Variants in MGAT4C observed in about 807,000 individuals in gnomAD.
The protein encoded by MGAT4C is alpha-1,3-mannosyl-glycoprotein 4-beta-N-acetylglucosaminyltransferase C.
MGAT4C carries 19 observed loss-of-function variants against 40.1 expected under a neutral mutation model. The ratio of observed to expected loss-of-function variants is 0.47; its 90% CI spans 0.33 to 0.70. The LOEUF (loss-of-function observed/expected upper bound fraction) is 0.70, where lower values mean the gene tolerates loss of function less well. MGAT4C is among the 30% of genes least tolerant of loss of function. MGAT4C has a pLI of 0.02. For missense variants in MGAT4C, 491 were observed against 563.2 expected (o/e 0.87, Z 1.30); for synonymous variants, 181 against 187.1 (o/e 0.97, Z 0.27).
At chr12:86,799,466 A>C (rs1952186667) in intron 1 of MGAT4C, among the ~76,000 whole-genome samples, 1 of 151,840 alleles carries the variant, frequency 6.6e-6, no homozygotes, top group African/African-American at 2.4e-5. Flanking sequence ...TTTTAGTTAC[A>C]AATACTTTCT....
At chr12:86,825,428 T>C (rs1285970026) in intron 1 of MGAT4C, among the ~76,000 whole-genome samples, 7 of 151,086 alleles carry the variant, frequency 4.6e-5, no homozygotes, top group African/African-American at 1.7e-4. Context: ...AATTTAAACA[T>C]AAAGAAGCAG....
intron 2 of MGAT4C, among the ~76,000 whole-genome samples, chr12:86,016,958 T>C (rs1006556011): frequency 2.8e-5 from 4 of 141,924 alleles, no homozygotes; most frequent in African/African-American, 1.0e-4. Flanking sequence ...GTATTACTGA[T>C]GCCTCTGAAG....
intron 2 of MGAT4C, among the ~76,000 whole-genome samples, chr12:86,524,470 C>G (rs1315096941): frequency 6.6e-6 from 1 of 152,158 alleles, no homozygotes; most frequent in Non-Finnish European, 1.5e-5. Flanking sequence ...TCTAGGTGGC[C>G]TGACCTTTCT....
chr12:86,311,337 T>C (rs1954066972), intron 4 of MGAT4C, among the ~76,000 whole-genome samples: 1 of 152,192 alleles, frequency 6.6e-6, no homozygotes, highest in Non-Finnish European at 1.5e-5. Flanking sequence ...GCATCTGACA[T>C]AGAAAAGGTA....
intron 2 of MGAT4C, among the ~76,000 whole-genome samples, chr12:86,593,671 G>A (rs1232502837): frequency 2.0e-5 from 3 of 152,030 alleles, no homozygotes; most frequent in Non-Finnish European, 4.4e-5. Context: ...ATACTTGTAA[G>A]TTTCCTATAT....
intron 4 of MGAT4C, among the ~76,000 whole-genome samples, chr12:86,301,852 G>A (rs1953820313): frequency 6.6e-6 from 1 of 152,190 alleles, no homozygotes; most frequent in Admixed American, 6.5e-5. Context: ...CAGACAAAAT[G>A]TACAATCAAG....
At chr12:86,246,600 T>C (rs546301168) in intron 1 of MGAT4C, among the ~76,000 whole-genome samples, 2 of 152,346 alleles carry the variant, frequency 1.3e-5, no homozygotes, top group African/African-American at 2.4e-5. Context: ...ATATGTTCTA[T>C]AAACACTTTA....
intron 1 of MGAT4C, among the ~76,000 whole-genome samples, chr12:86,135,053 G>T (rs987066609): frequency 6.6e-6 from 1 of 152,102 alleles, no homozygotes; most frequent in Non-Finnish European, 1.5e-5. Context: ...AGCGTCTTAT[G>T]AAATGCCATT....
At chr12:86,798,540 G>C (rs577998058) in intron 1 of MGAT4C, among the ~76,000 whole-genome samples, 8 of 151,946 alleles carry the variant, frequency 5.3e-5, no homozygotes, top group African/African-American at 9.6e-5. Flanking sequence ...GATTATAAGA[G>C]AGTCTTCTGT....
chr12:86,573,698 T>C (rs1185816424), intron 2 of MGAT4C, among the ~76,000 whole-genome samples: 1 of 151,968 alleles, frequency 6.6e-6, no homozygotes, highest in Non-Finnish European at 1.5e-5. Context: ...GTAGAAGCAA[T>C]ATCTGTTTTA....
chr12:86,568,545 C>CATATATATATATATATATAT (rs1232291041), intron 2 of MGAT4C, among the ~76,000 whole-genome samples: 1 of 138,728 alleles, frequency 7.2e-6, no homozygotes. Flanking sequence ...AACTCCCCTT[C>CATATATATATATATATATAT]ATATATATAT....
chr12:86,754,718 C>A (rs1192985303), intron 1 of MGAT4C, among the ~76,000 whole-genome samples: 1 of 151,894 alleles, frequency 6.6e-6, no homozygotes, highest in Admixed American at 6.6e-5. Context: ...TATATATTCC[C>A]AATATATCCA....
intron 2 of MGAT4C, among the ~76,000 whole-genome samples, chr12:86,629,337 A>G (rs929098200): frequency 1.3e-5 from 2 of 152,204 alleles, no homozygotes; most frequent in African/African-American, 4.8e-5. Flanking sequence ...AATATCAGAC[A>G]GATCAATGAG....
intron 2 of MGAT4C, among the ~76,000 whole-genome samples, chr12:86,022,945 A>G (rs994273523): frequency 6.6e-6 from 1 of 152,170 alleles, no homozygotes; most frequent in Non-Finnish European, 1.5e-5. Context: ...AAGAGTAGGA[A>G]AGACCCGAGG....
At chr12:86,193,694 T>C (rs1477197824) in intron 1 of MGAT4C, among the ~76,000 whole-genome samples, 2 of 152,180 alleles carry the variant, frequency 1.3e-5, no homozygotes, top group Non-Finnish European at 2.9e-5. Flanking sequence ...TATTATCTTC[T>C]AGTTTCCATT....
intron 2 of MGAT4C, among the ~76,000 whole-genome samples, chr12:86,693,186 T>A (rs1950199640): frequency 6.6e-6 from 1 of 152,210 alleles, no homozygotes; most frequent in Non-Finnish European, 1.5e-5. Flanking sequence ...CAGCAGTTTC[T>A]GAAGGCAGAC....
intron 2 of MGAT4C, among the ~76,000 whole-genome samples, chr12:86,025,716 A>G (rs1429741208): frequency 1.3e-5 from 2 of 151,800 alleles, no homozygotes; most frequent in African/African-American, 4.8e-5. Flanking sequence ...CTAGGACTCC[A>G]ATTACTAGAT....
At chr12:86,570,746 T>C (rs1592997879) in intron 2 of MGAT4C, among the ~76,000 whole-genome samples, 1 of 152,272 alleles carries the variant, frequency 6.6e-6, no homozygotes, top group East Asian at 1.9e-4. Flanking sequence ...TTAATTCATA[T>C]ACAACTACTT....
chr12:86,255,808 C>A (rs1035320615), intron 1 of MGAT4C, among the ~76,000 whole-genome samples: 9 of 152,066 alleles, frequency 5.9e-5, no homozygotes, highest in African/African-American at 2.2e-4. Context: ...CAAAGAACTG[C>A]CATTTAACAA....
Sources: allele counts gnomAD v4.1 joint callset (sites outside exome capture counted in the v4.1 genomes callset), GRCh38; gene constraint gnomAD v4.1.1; transcripts MANE v1.5; gene names NCBI Gene and HGNC (gene_info 2026-07-23, HGNC 2026-07-21).